The following SLCO3A1 variants were observed in gnomAD, a reference collection of about 807,000 sequenced individuals.
The protein encoded by SLCO3A1 is PGE1 transporter.
SLCO3A1 carries 27 observed loss-of-function variants against 63.1 expected under a neutral mutation model. That is an observed-to-expected ratio of 0.43 (90% CI 0.32 to 0.59). SLCO3A1 has a LOEUF of 0.59. Ranked by LOEUF, SLCO3A1 falls within the 20% of genes least tolerant of loss-of-function variation. The probability of loss-of-function intolerance (pLI) is 0.09; values close to 1 mark genes in which losing one functional copy is unlikely to be tolerated. For missense variants in SLCO3A1, 773 were observed against 945.8 expected (o/e 0.82, Z 2.40); for synonymous variants, 473 against 409.9 (o/e 1.15, Z -1.86).
At chr15:92,102,453 G>A (rs567670541) in intron 3 of SLCO3A1, among the ~76,000 whole-genome samples, 2 of 152,236 alleles carry the variant, frequency 1.3e-5, no homozygotes, top group South Asian at 4.2e-4. Context: ...CTTGCTCATT[G>A]CCTGTCATCC....
At chr15:92,083,020 G>A (rs796195494) in intron 2 of SLCO3A1, among the ~76,000 whole-genome samples, 10 of 152,328 alleles carry the variant, frequency 6.6e-5, no homozygotes, top group African/African-American at 2.4e-4. Context: ...ATCAGAAGGG[G>A]CAGAGAAAGA....
chr15:91,921,910 T>G (rs1327989230), intron 2 of SLCO3A1, among the ~76,000 whole-genome samples: 1 of 151,928 alleles, frequency 6.6e-6, no homozygotes, highest in Non-Finnish European at 1.5e-5. Context: ...TTTTTTTGTA[T>G]TTTTAGTAAA....
chr15:92,098,434 C>T (rs1057309722), intron 3 of SLCO3A1, among the ~76,000 whole-genome samples: 1 of 152,162 alleles, frequency 6.6e-6, no homozygotes, highest in Non-Finnish European at 1.5e-5. Flanking sequence ...CCCCTGAGAG[C>T]TGGGGGAGGA....
chr15:92,154,083 A>C (rs2048341537), intron 9 of SLCO3A1, among the ~76,000 whole-genome samples: 1 of 152,262 alleles, frequency 6.6e-6, no homozygotes, highest in Non-Finnish European at 1.5e-5. Context: ...GTGGAGAATA[A>C]GAACATGGCT....
chr15:91,903,311 C>CA (rs1898207553), intron 1 of SLCO3A1, among the ~76,000 whole-genome samples: 1 of 152,178 alleles, frequency 6.6e-6, no homozygotes. Flanking sequence ...AGGAACTGCC[C>CA]AAATTGCCTG....
intron 2 of SLCO3A1, among the ~76,000 whole-genome samples, chr15:92,032,998 A>G (rs1440233511): frequency 1.3e-5 from 2 of 152,194 alleles, no homozygotes. Flanking sequence ...GGGGAAGTCC[A>G]TGTCAGTGGA....
At chr15:92,134,374 C>G (rs1178509051) in intron 7 of SLCO3A1, among the ~76,000 whole-genome samples, 1 of 152,156 alleles carries the variant, frequency 6.6e-6, no homozygotes, top group Non-Finnish European at 1.5e-5. Context: ...ATCTCAGGCC[C>G]TCTGCTAGGC....
At chr15:91,938,482 G>GTTT (rs71156621) in intron 2 of SLCO3A1, among the ~76,000 whole-genome samples, 3,347 of 136,166 alleles carry the variant, frequency 0.025, 132 homozygotes, top group African/African-American at 0.087. Context: ...GGTTTTTTTT[G>GTTT]TTTTTTTTTT....
chr15:92,041,836 T>C (rs2046800285), intron 2 of SLCO3A1, among the ~76,000 whole-genome samples: 1 of 151,618 alleles, frequency 6.6e-6, no homozygotes, highest in Admixed American at 6.6e-5. Context: ...GACATTTAAA[T>C]ATTTAATTTT....
rs918322753 is a variant in SLCO3A1 at position 91,883,228 on chromosome 15, C to T, written c.180+29140C>T. ...CAGTAAGTGGTCTGGGTTTCACTTA[C>T]ATCAGGTGCCCAGGAGTCTTCCTGT... On this transcript the variant is annotated intron_variant, in intron 1 of 9. Coordinates refer to ENST00000318445, the MANE Select transcript of SLCO3A1 (RefSeq NM_013272.4). The surrounding 1 kb of genome is among the most constrained non-coding windows in gnomAD (Gnocchi z 4.8). Among the ~76,000 whole-genome samples the T allele has an allele frequency of 2.6e-5, 4 of 152,202 alleles. No individual in the cohort carries two copies. Among genetic ancestry groups the T allele is most frequent in the African/African-American group, 4.8e-5 (2 of 41,454 alleles).
chr15:91,913,421 C>T (rs1391995605), intron 1 of SLCO3A1, among the ~76,000 whole-genome samples: 2 of 152,222 alleles, frequency 1.3e-5, no homozygotes, highest in East Asian at 1.9e-4. Context: ...CCCCAGGCCA[C>T]TCCCCAGACC....
At position 92,147,237 on chromosome 15, in the gene SLCO3A1, C is replaced by T. The variant is rs78545261; in HGVS notation, c.1688+78C>T. The T allele has an allele frequency of 7.6e-4, 1,079 of 1,413,776 alleles. 4 individuals are homozygous for T. The African/African-American group carries it at 0.014, about 18-fold the overall frequency. 87.6% of individuals were successfully genotyped at this position (1,413,776 alleles called of 1,614,324 possible). Reference sequence around the variant, plus strand: ...GCAGGCCTCCTAGGGACCAGAGCTTCAGACAACAGGAATCTCTCGAACCAG... The same window carrying T: ...GCAGGCCTCCTAGGGACCAGAGCTTTAGACAACAGGAATCTCTCGAACCAG... On this transcript the variant is annotated intron_variant, in intron 8 of 9. Coordinates refer to ENST00000318445, the MANE Select transcript of SLCO3A1 (RefSeq NM_013272.4).
chr15:92,078,188 T>C (rs2047301640), intron 2 of SLCO3A1, among the ~76,000 whole-genome samples: 1 of 152,176 alleles, frequency 6.6e-6, no homozygotes, highest in African/African-American at 2.4e-5. Context: ...CCCCATTGAG[T>C]GAACACCTGA....
intron 2 of SLCO3A1, among the ~76,000 whole-genome samples, chr15:92,016,112 A>AC (rs2046422962): frequency 6.6e-6 from 1 of 152,000 alleles, no homozygotes; most frequent in Non-Finnish European, 1.5e-5. Flanking sequence ...GACATTCTGG[A>AC]CAGGAAGATG....
At chr15:92,020,158 G>C (rs2151470792) in intron 2 of SLCO3A1, among the ~76,000 whole-genome samples, 1 of 152,218 alleles carries the variant, frequency 6.6e-6, no homozygotes, top group South Asian at 2.1e-4. Context: ...TACCAGCCAA[G>C]TAGACTTGTA....
At chr15:92,114,636 C>T (rs190430091) in intron 4 of SLCO3A1, among the ~76,000 whole-genome samples, 2 of 152,146 alleles carry the variant, frequency 1.3e-5, no homozygotes, top group African/African-American at 4.8e-5. Flanking sequence ...TCCTCTTTCC[C>T]TTTTTTTAAG....
chr15:91,875,613 C>T lies in SLCO3A1; in HGVS notation c.180+21525C>T, dbSNP rs1041193551. On this transcript the variant is annotated intron_variant, in intron 1 of 9. Transcript: ENST00000318445. The surrounding 1 kb of genome is among the most constrained non-coding windows in gnomAD (Gnocchi z 4.5). ...GATAAGTCTTAGCCTCATTCTCTGT[C>T]ATTCCTTCCATCGGTCCCTGGAGAC... Among the ~76,000 whole-genome samples, 6 of 152,230 alleles carry T rather than the reference C, an allele frequency of 3.9e-5. No homozygotes were observed. The East Asian group carries it at 1.2e-3, about 29-fold the overall frequency.
intron 2 of SLCO3A1, among the ~76,000 whole-genome samples, chr15:92,002,935 A>G (rs1052399469): frequency 1.3e-5 from 2 of 152,190 alleles, no homozygotes; most frequent in Non-Finnish European, 2.9e-5. Flanking sequence ...AATTAGTTCA[A>G]CATCCCAAGC....
chr15:92,055,476 A>G (rs1430237974), intron 2 of SLCO3A1, among the ~76,000 whole-genome samples: 5 of 152,114 alleles, frequency 3.3e-5, no homozygotes, highest in Admixed American at 6.5e-5. Context: ...CAGTTTTTGC[A>G]AAGCCCCCTA....
Sources: gnomAD v4.1 joint callset for allele counts (sites outside exome capture counted in the v4.1 genomes callset) on GRCh38, gnomAD v4.1.1 for gene constraint, Gnocchi (gnomAD v3.1) non-coding constraint, MANE v1.5 for transcripts, NCBI Gene and HGNC (gene_info 2026-07-23, HGNC 2026-07-21) for gene names.